The following ARL5B variants were observed in gnomAD, a reference collection of about 807,000 sequenced individuals.
ARL5B encodes ADP-ribosylation factor-like protein 5B.
A neutral mutation model predicts 26.9 loss-of-function variants in ARL5B; 10 were observed. That is an observed-to-expected ratio of 0.37 (90% confidence interval 0.23 to 0.63). The LOEUF is 0.63. ARL5B is among the 30% of genes least tolerant of loss of function. The pLI, the probability that ARL5B is intolerant of heterozygous loss-of-function variation, is 0.62. For missense variants in ARL5B, 167 were observed against 213.9 expected (o/e 0.78, Z 1.37); for synonymous variants, 87 against 70.4 (o/e 1.24, Z -1.18).
chr10:18,669,909 G>A (rs552438858), intron 3 of ARL5B, among the ~76,000 whole-genome samples: 32 of 149,466 alleles, frequency 2.1e-4, no homozygotes, highest in African/African-American at 6.4e-4. Context: ...CAGGAGAATC[G>A]CTTGAACCCA....
intron 1 of ARL5B, among the ~76,000 whole-genome samples, chr10:18,663,802 C>T (rs1379318097): frequency 6.6e-6 from 1 of 152,040 alleles, no homozygotes; most frequent in Non-Finnish European, 1.5e-5. Context: ...CCCACCTCGG[C>T]CTCCCAAAGT....
Position 18,668,402 on chromosome 10 carries a change from T to C in ARL5B, c.108-128T>C. ...GATTTGCGCAAGTGTTCTCCAGGTT[T>C]ATAATTTTCATGCTAATGATCACCA... On this transcript the variant is annotated intron_variant, in intron 2 of 5. Transcript: ENST00000377275. The C allele has an allele frequency of 6.4e-6, 6 of 938,194 alleles. No individual in the cohort carries two copies. In the South Asian group the frequency reaches 1.1e-4, roughly 17 times the overall value. The allele number at this position is 938,194 out of a possible 1,614,324, so 58.1% of individuals were successfully genotyped here. A position where few individuals can be genotyped will look rare whatever the true frequency, so the allele number is the denominator to read the frequency against.
At chr10:18,663,004 A>G (rs118150698) in intron 1 of ARL5B, among the ~76,000 whole-genome samples, 19,424 of 147,616 alleles carry the variant, frequency 0.13, 1,559 homozygotes, top group Middle Eastern at 0.26. Context: ...TGCCTGGCCC[A>G]GTGATGTCTT....
chr10:18,660,385 A>C (rs2059826322), intron 1 of ARL5B, among the ~76,000 whole-genome samples: 1 of 152,184 alleles, frequency 6.6e-6, no homozygotes, highest in African/African-American at 2.4e-5. Flanking sequence ...ATGAGATGTG[A>C]TGTCTTCTGA....
At position 18,680,970 on chromosome 10, in the gene ARL5B, T is replaced by G. The variant is rs930835184; in HGVS notation, c.*5754T>G. 7 of 151,774 alleles carry G rather than the reference T, an allele frequency of 4.6e-5. No homozygotes were observed. The highest frequency in any genetic ancestry group is 3.9e-4 in the Admixed American group (6 of 15,204). The allele number at this position is 151,774 out of a possible 1,614,324, so 9.4% of individuals were successfully genotyped here. On this transcript the variant is annotated 3_prime_UTR_variant, in exon 6 of 6. Transcript: ENST00000377275. ...TTCTTGCCTCAGAATGCAAAACAAC[T>G]TTAAAGTGTCTATATTCATATATAT...
At chr10:18,663,009 T>C (rs1417217536) in intron 1 of ARL5B, among the ~76,000 whole-genome samples, 1 of 151,632 alleles carries the variant, frequency 6.6e-6, no homozygotes, top group Admixed American at 6.6e-5. Flanking sequence ...GGCCCAGTGA[T>C]GTCTTTAAAT....
At chr10:18,664,142 C>A (rs138789987) in intron 1 of ARL5B, among the ~76,000 whole-genome samples, 2 of 151,582 alleles carry the variant, frequency 1.3e-5, no homozygotes, top group South Asian at 2.1e-4. Flanking sequence ...TTAGTAGAGA[C>A]GGAGTTTCAC....
intron 1 of ARL5B, 61 bp downstream of exon 1, chr10:18,659,744 G>C (rs2059818801): frequency 2.5e-6 from 4 of 1,591,960 alleles, no homozygotes; most frequent in Admixed American, 1.8e-5. Flanking sequence ...GCCGCCGATG[G>C]GGACACCGGA....
At chr10:18,670,456 C>G (rs1054864732) in intron 3 of ARL5B, among the ~76,000 whole-genome samples, 1 of 151,980 alleles carries the variant, frequency 6.6e-6, no homozygotes, top group South Asian at 2.1e-4. Flanking sequence ...ACTAAAAATA[C>G]AAAAATTAGC....
intron 5 of ARL5B, among the ~76,000 whole-genome samples, chr10:18,674,419 T>C (rs1248536190): frequency 6.6e-6 from 1 of 152,198 alleles, no homozygotes; most frequent in Non-Finnish European, 1.5e-5. Context: ...CTTTATCATA[T>C]ACTGAGAAAA....
chr10:18,678,590 A>T lies in ARL5B; in HGVS notation c.*3374A>T, dbSNP rs146890165. ...TTAGTCCTTAACTATGTAAAACCGT[A>T]TCAGTAGAAAAATGTGCTGGTGTCG... On this transcript the variant is annotated 3_prime_UTR_variant, in exon 6 of 6. Transcript: ENST00000377275. The T allele has an allele frequency of 1.3e-5, 2 of 151,868 alleles. No homozygotes were observed. Among genetic ancestry groups the T allele is most frequent in the South Asian group, 4.1e-4 (2 of 4,834 alleles). The allele number at this position is 151,868 out of a possible 1,614,324, so 9.4% of individuals were successfully genotyped here.
At chr10:18,666,120 G>A (rs2059860212) in intron 1 of ARL5B, among the ~76,000 whole-genome samples, 1 of 152,196 alleles carries the variant, frequency 6.6e-6, no homozygotes, top group African/African-American at 2.4e-5. Context: ...TTTTAAGTGA[G>A]AGGAAGAAAC....
chr10:18,672,793 G>T, intron 4 of ARL5B, 88 bp downstream of exon 4: 1 of 773,494 alleles, frequency 1.3e-6, no homozygotes, highest in Non-Finnish European at 2.1e-6. Context: ...AATGTGATAT[G>T]ATGTTGGCTA....
intron 3 of ARL5B, among the ~76,000 whole-genome samples, chr10:18,670,987 C>G (rs373855887): frequency 1.1e-4 from 17 of 152,244 alleles, no homozygotes; most frequent in African/African-American, 4.1e-4. Context: ...CCCCCAAAAG[C>G]GGTAGTATGT....
At chr10:18,668,427 A>G in intron 2 of ARL5B, 103 bp from the exon 3 acceptor site, 1 of 1,231,210 alleles carries the variant, frequency 8.1e-7, no homozygotes, top group South Asian at 1.5e-5. Flanking sequence ...AATGATCACC[A>G]TCATTGGTGC....
chr10:18,659,720 A>T, intron 1 of ARL5B, 37 bp downstream of exon 1: 1 of 1,602,354 alleles, frequency 6.2e-7, no homozygotes. Context: ...CTCGAATCCG[A>T]GGCAGAGGGT....
chr10:18,664,556 A>G (rs1172661738), intron 1 of ARL5B, among the ~76,000 whole-genome samples: 3 of 143,462 alleles, frequency 2.1e-5, no homozygotes, highest in African/African-American at 7.8e-5. Flanking sequence ...TTCTGCTTCA[A>G]CCTCCCAAGT....
At position 18,675,075 on chromosome 10, in the gene ARL5B, A is replaced by G. The variant is rs1181860865; in HGVS notation, c.492-93A>G. On this transcript the variant is annotated intron_variant, in intron 5 of 5. Transcript: ENST00000377275. ...GATGTATATAAATAATGATTGTGCT[A>G]CCAGCCTTTGGTTAAGACCTAAAAA... The G allele has an allele frequency of 5.4e-6, 6 of 1,107,768 alleles. No individual in the cohort carries two copies. In the East Asian group the frequency reaches 1.5e-4, roughly 27 times the overall value. 68.6% of individuals were successfully genotyped at this position (1,107,768 alleles called of 1,614,324 possible). A position where few individuals can be genotyped will look rare whatever the true frequency, so the allele number is the denominator to read the frequency against.
chr10:18,660,116 C>G (rs577806311), intron 1 of ARL5B, among the ~76,000 whole-genome samples: 6 of 151,982 alleles, frequency 3.9e-5, no homozygotes, highest in African/African-American at 7.3e-5. Context: ...CAGTTTGAGC[C>G]GTAAGCCAGT....
Sources: gnomAD v4.1 joint callset for allele counts (sites outside exome capture counted in the v4.1 genomes callset) on GRCh38, gnomAD v4.1.1 for gene constraint, MANE v1.5 for transcripts, NCBI Gene and HGNC (gene_info 2026-07-23, HGNC 2026-07-21) for gene names.